Variants in SPG11 observed in about 807,000 individuals in gnomAD.
SPG11 encodes the protein SPG11 vesicle trafficking associated, spatacsin.
A neutral mutation model predicts 274.0 loss-of-function variants in SPG11; 222 were observed. That is an observed-to-expected ratio of 0.81 (90% confidence interval 0.73 to 0.91). The LOEUF (loss-of-function observed/expected upper bound fraction) is 0.91, where lower values mean the gene tolerates loss of function less well. Among genes scored for constraint, SPG11 ranks in the 40% least tolerant of loss-of-function variants. The pLI is 0.00. For missense variants in SPG11, 3,114 were observed against 2,872.7 expected, an observed-to-expected ratio of 1.08 and a Z score of -1.92; for synonymous variants, 1,144 against 1,039.7, an observed-to-expected ratio of 1.10 and a Z score of -1.93.
intron 36 of SPG11, among the ~76,000 whole-genome samples, chr15:44,567,126 C>T (rs2082325816): frequency 6.6e-6 from 1 of 151,960 alleles, no homozygotes; most frequent in South Asian, 2.1e-4. Flanking sequence ...CCAACGTGGG[C>T]AGTTCACCAG....
At chr15:44,649,306 C>T (rs2141100008) in intron 6 of SPG11, among the ~76,000 whole-genome samples, 1 of 152,214 alleles carries the variant, frequency 6.6e-6, no homozygotes, top group African/African-American at 2.4e-5. Context: ...TCAAGCAATC[C>T]TCCCACCTCA....
chr15:44,562,827 ATCAT>A lies in SPG11; in HGVS notation c.*290_*293del. 3.1e-6 allele frequency: 1 copy of A among 320,164 alleles called. No homozygotes were observed. Among genetic ancestry groups the A allele is most frequent in the East Asian group, 6.4e-5 (1 of 15,616 alleles). 19.8% of individuals were successfully genotyped at this position (320,164 alleles called of 1,614,324 possible). A position where few individuals can be genotyped will look rare whatever the true frequency, so the allele number is the denominator to read the frequency against. On this transcript the variant is annotated 3_prime_UTR_variant, in exon 40 of 40. Coordinates refer to ENST00000261866, the MANE Select transcript of SPG11 (RefSeq NM_025137.4). ...AATCTGCAGGTACAGGTATTCTTTA[ATCAT>A]TATTGGATCATCTAAAGTAGAAGCT...
At chr15:44,659,336 T>G (rs201185280) in intron 2 of SPG11, 33 bp from the exon 3 acceptor site, 5 of 1,562,016 alleles carry the variant, frequency 3.2e-6, no homozygotes, top group Non-Finnish European at 4.4e-6. Context: ...TTCAAACTCA[T>G]TGGTCACAAT....
At chr15:44,570,757 G>C in intron 33 of SPG11, 99 bp from the exon 34 acceptor site, 1 of 1,499,686 alleles carries the variant, frequency 6.7e-7, no homozygotes, top group Non-Finnish European at 9.1e-7. Context: ...TGGAGAAGGG[G>C]CCTGTCTGGA....
Position 44,589,257 on chromosome 15 carries a change from G to A in SPG11, c.4901C>T (p.Ser1634Phe). The change falls in exon 28 of 40, where the codon TCT (serine) becomes TTT (phenylalanine). Residue 1634 changes from serine to phenylalanine, a missense_variant. By Grantham distance (155) the Ser-to-Phe change is radical. Transcript: ENST00000261866. ...QLFVEREHLF[S>F]DGPDVKKLCI... is the part of the protein sequence containing the mutation. ...AACTGTAAGGATTGTCTTACCATCA[G>A]AGAAGAGATGCTCTCTTTCAACAAA... is the stretch of plus-strand genomic sequence containing the variant. 6.2e-7 allele frequency: 1 copy of A among 1,613,742 alleles called. No homozygotes were observed. The highest frequency in any genetic ancestry group is 8.5e-7 in the Non-Finnish European group (1 of 1,179,920).
rs773487458 is a variant in SPG11, at chr15:44,567,444, A to G, written c.6734T>C (p.Leu2245Ser). ...CTCACCCCAGGGCTGAGACTCAATC[A>G]ATTTCAGTTGGATGCGGGCAGCTGC... Reference protein sequence around the residue: ...HEAAARIQLKLIESQPWEDSL... With the variant: ...HEAAARIQLKSIESQPWEDSL... The change falls in exon 36 of 40, where the codon TTG (leucine) becomes TCG (serine). Residue 2245 changes from leucine to serine, a missense_variant. Physicochemically the swap from Leu to Ser is moderately radical, Grantham distance 145. Coordinates refer to ENST00000261866, the MANE Select transcript of SPG11 (RefSeq NM_025137.4). 6.2e-7 allele frequency: 1 copy of G among 1,613,710 alleles called. No homozygotes were observed. The highest frequency in any genetic ancestry group is 1.1e-5 in the South Asian group (1 of 91,060).
At chr15:44,588,326 A>G (rs2082820296) in intron 28 of SPG11, among the ~76,000 whole-genome samples, 1 of 151,748 alleles carries the variant, frequency 6.6e-6, no homozygotes, top group Admixed American at 6.6e-5. Flanking sequence ...AACAAGCACA[A>G]TTTTCTCTGA....
Position 44,629,459 on chromosome 15 carries a change from TATC to T in SPG11, c.1736-74_1736-72del, listed in dbSNP as rs1440100057. On this transcript the variant is annotated intron_variant, in intron 8 of 39. Transcript: ENST00000261866. ...CACAATAAAATTAACATATCAAAAA[TATC>T]ATGTTACAATATTTTTAAACATAAA... The T allele has an allele frequency of 1.6e-5, 23 of 1,469,810 alleles. No homozygotes were observed. In the East Asian group the frequency reaches 2.6e-4, roughly 16 times the overall value. 91.0% of individuals were successfully genotyped at this position (1,469,810 alleles called of 1,614,324 possible).
intron 28 of SPG11, 135 bp from the exon 29 acceptor site, chr15:44,585,985 T>TG (rs2082755168): frequency 8.7e-6 from 3 of 344,478 alleles, no homozygotes; most frequent in Admixed American, 1.0e-4. Flanking sequence ...AAAAAGCTGT[T>TG]TTTTTTTTTT....
Position 44,594,596 on chromosome 15 carries a change from GAA to G in SPG11, c.4635+661_4635+662del, listed in dbSNP as rs35547796. Reference sequence around the variant, plus strand: ...AAAACCCTGTCTCTATTAAAAATGCGAAAAAAAAAAAAAAAAAAAAGCCAGGC... The same window carrying G: ...AAAACCCTGTCTCTATTAAAAATGCGAAAAAAAAAAAAAAAAAAGCCAGGC... On this transcript the variant is annotated intron_variant, in intron 26 of 39. Coordinates refer to ENST00000261866, the MANE Select transcript of SPG11 (RefSeq NM_025137.4). Among the ~76,000 whole-genome samples the G allele has an allele frequency of 5.8e-3, 412 of 71,016 alleles. 3 individuals are homozygous for G. The highest frequency in any genetic ancestry group is 0.011 in the South Asian group (21 of 1,990). The allele number at this position is 71,016 out of a possible 152,430, so 46.6% of individuals were successfully genotyped here. A position where few individuals can be genotyped will look rare whatever the true frequency, so the allele number is the denominator to read the frequency against.
rs751757839 is a variant in SPG11 at position 44,622,350 on chromosome 15, T to C, written c.2317-3A>G. ...TTTTTTTCTTTTAAAATTTCAACCT[T>C]GAATAAAAAGTAATTAAAGCAGTGA... On this transcript the variant is annotated splice_polypyrimidine_tract_variant and splice_region_variant and intron_variant, in intron 12 of 39. Coordinates refer to ENST00000261866, the MANE Select transcript of SPG11 (RefSeq NM_025137.4). 1 of 1,543,136 alleles carries C rather than the reference T, an allele frequency of 6.5e-7. No individual in the cohort carries two copies. The highest frequency in any genetic ancestry group is 8.9e-7 in the Non-Finnish European group (1 of 1,128,074).
chr15:44,636,941 A>AAAAAAAAAAAAG (rs2084284501), intron 7 of SPG11, among the ~76,000 whole-genome samples: 1 of 118,094 alleles, frequency 8.5e-6, no homozygotes, highest in Non-Finnish European at 1.8e-5. Context: ...AAAAAAAAAA[A>AAAAAAAAAAAAG]AAAAAAAAAA....
At position 44,583,998 on chromosome 15, in the gene SPG11, T is replaced by C; in HGVS notation, c.5682A>G (p.Ala1894=). The change falls in exon 30 of 40, where the codon GCA becomes GCG. Residue 1894 remains alanine, a synonymous_variant. Transcript: ENST00000261866. Reference sequence around the variant, plus strand: ...AATGAAAATACCGGCATACTCTACTTGCTTCATGCACACAGCCATCATCCA... The same window carrying C: ...AATGAAAATACCGGCATACTCTACTCGCTTCATGCACACAGCCATCATCCA... ...RLLDDGCVHE[A]SRVCRYFHFY... The C allele has an allele frequency of 2.5e-6, 4 of 1,614,208 alleles. No individual in the cohort carries two copies. The highest frequency in any genetic ancestry group is 1.7e-6 in the Non-Finnish European group (2 of 1,180,030).
rs746329317 is a variant in SPG11 at position 44,564,642 on chromosome 15, G to A, written c.7056C>T (p.Tyr2352=). 3 of 1,613,910 alleles carry A rather than the reference G, an allele frequency of 1.9e-6. No individual in the cohort carries two copies. Among genetic ancestry groups the A allele is most frequent in the Admixed American group, 1.7e-5 (1 of 60,020 alleles). The change falls in exon 39 of 40, where the codon TAC becomes TAT. Residue 2352 remains tyrosine, a synonymous_variant. Transcript: ENST00000261866. Reference sequence around the variant, plus strand: ...AGTCTCCTTTAAGAATCACTTGCTGGTATAAAATTTCAGCCCAATCTGGAA... The same window carrying A: ...AGTCTCCTTTAAGAATCACTTGCTGATATAAAATTTCAGCCCAATCTGGAA... ...DFVPDWAEIL[Y]QQVILKGDFN...
intron 6 of SPG11, among the ~76,000 whole-genome samples, chr15:44,650,236 A>T (rs2084727873): frequency 6.6e-6 from 1 of 152,116 alleles, no homozygotes. Context: ...AAAATGGCTC[A>T]GGCTAAGCAT....
chr15:44,566,141 G>A (rs2082303929), intron 37 of SPG11, 76 bp downstream of exon 37: 5 of 1,593,078 alleles, frequency 3.1e-6, no homozygotes, highest in Admixed American at 3.4e-5. Flanking sequence ...CCTGGAAAGA[G>A]CCCAAGGACA....
At chr15:44,649,101 A>C in intron 6 of SPG11, 90 bp from the exon 7 acceptor site, 1 of 923,368 alleles carries the variant, frequency 1.1e-6, no homozygotes, top group South Asian at 1.4e-5. Flanking sequence ...TCAATACTTC[A>C]GTACTATAAT....
Position 44,615,286 on chromosome 15 carries a change from A to G in SPG11, c.3038+77T>C, listed in dbSNP as rs538589759. The G allele has an allele frequency of 1.0e-4, 142 of 1,393,668 alleles. No homozygotes were observed. The African/African-American group carries it at 1.8e-3, about 18-fold the overall frequency. The allele number at this position is 1,393,668 out of a possible 1,614,324, so 86.3% of individuals were successfully genotyped here. ...CGTGTGAATGCTTACTATTTTCCTA[A>G]AAGTCACATTCAGGAGTCATATGCA... On this transcript the variant is annotated intron_variant, in intron 16 of 39. Transcript: ENST00000261866.
rs12324710 is a variant in SPG11 at position 44,610,546 on chromosome 15, T to C, written c.3291+294A>G. On this transcript the variant is annotated intron_variant, in intron 18 of 39. Coordinates refer to ENST00000261866, the MANE Select transcript of SPG11 (RefSeq NM_025137.4). ...TACAGGCGTGCGCCAAGACGCCCAG[T>C]GAAGTTTTTTTAGTACAGATGGTGT... Among the ~76,000 whole-genome samples the C allele has an allele frequency of 0.1, 15,268 of 151,668 alleles. 1,976 individuals carry two copies. The highest frequency in any genetic ancestry group is 0.29 in the African/African-American group (11,868 of 41,332).
Sources: gnomAD v4.1 joint callset for allele counts (sites outside exome capture counted in the v4.1 genomes callset) on GRCh38, gnomAD v4.1.1 for gene constraint, MANE v1.5 for transcripts, NCBI Gene and HGNC (gene_info 2026-07-23, HGNC 2026-07-21) for gene names.